The following GPC5 variants were observed in gnomAD, a reference collection of about 807,000 sequenced individuals.
The protein encoded by GPC5 is glypican 5.
In GPC5, 47 loss-of-function variants were observed where a neutral mutation model predicts 53.9. The ratio of observed to expected loss-of-function variants is 0.87; its 90% CI spans 0.69 to 1.11. GPC5 has a LOEUF of 1.11. Ranked by LOEUF, GPC5 falls within the 50% of genes most tolerant of loss-of-function variation. The pLI, the probability that GPC5 is intolerant of heterozygous loss-of-function variation, is 0.00. For missense variants in GPC5, 748 were observed against 713.1 expected, an observed-to-expected ratio of 1.05 and a Z score of -0.56; for synonymous variants, 286 against 263.3, an observed-to-expected ratio of 1.09 and a Z score of -0.84.
chr13:91,854,578 A>G (rs991580698), intron 5 of GPC5, among the ~76,000 whole-genome samples: 8 of 151,146 alleles, frequency 5.3e-5, no homozygotes, highest in South Asian at 2.1e-4. Flanking sequence ...TCTAGTAACT[A>G]TCCTTCTATT....
intron 2 of GPC5, among the ~76,000 whole-genome samples, chr13:91,469,497 G>T (rs1882472964): frequency 6.6e-6 from 1 of 151,236 alleles, no homozygotes; most frequent in Non-Finnish European, 1.5e-5. Context: ...GAACTCTTGA[G>T]CACCAGGGAT....
At chr13:91,477,689 G>C (rs1291676748) in intron 2 of GPC5, among the ~76,000 whole-genome samples, 1 of 152,194 alleles carries the variant, frequency 6.6e-6, no homozygotes, top group Non-Finnish European at 1.5e-5. Flanking sequence ...AGGCATACAA[G>C]GGGCCTGTAG....
intron 5 of GPC5, among the ~76,000 whole-genome samples, chr13:91,759,299 C>T (rs571449644): frequency 2.0e-5 from 3 of 151,918 alleles, no homozygotes; most frequent in Non-Finnish European, 4.4e-5. Context: ...TTGATACAGG[C>T]ATGCAATGTG....
At chr13:92,306,559 C>T (rs545057765) in intron 7 of GPC5, among the ~76,000 whole-genome samples, 2 of 152,298 alleles carry the variant, frequency 1.3e-5, no homozygotes, top group South Asian at 4.1e-4. Context: ...TAAAGCTAAT[C>T]CCACCCAGAC....
At chr13:92,209,845 C>G (rs2042362639) in intron 7 of GPC5, among the ~76,000 whole-genome samples, 1 of 152,046 alleles carries the variant, frequency 6.6e-6, no homozygotes, top group Non-Finnish European at 1.5e-5. Context: ...CACACGATTA[C>G]AAGGTGAGGT....
rs779391216 is a variant in GPC5, at chr13:92,867,178, G to A, written c.*739G>A. On this transcript the variant is annotated 3_prime_UTR_variant, in exon 8 of 8. Coordinates refer to ENST00000377067, the MANE Select transcript of GPC5 (RefSeq NM_004466.6). ...TGCCTCATAGATTTAGCTATGTTGG[G>A]AAGCACATGCTTGCTCTAGGAATAT... 1 of 152,022 alleles carries A rather than the reference G, an allele frequency of 6.6e-6. No individual in the cohort carries two copies. The highest frequency in any genetic ancestry group is 1.5e-5 in the Non-Finnish European group (1 of 67,990). 9.4% of individuals were successfully genotyped at this position (152,022 alleles called of 1,614,324 possible).
At chr13:92,096,036 A>T (rs939349639) in intron 6 of GPC5, among the ~76,000 whole-genome samples, 1 of 152,242 alleles carries the variant, frequency 6.6e-6, no homozygotes, top group East Asian at 1.9e-4. Context: ...CTAGCTATCC[A>T]GATTTTTCTT....
intron 7 of GPC5, among the ~76,000 whole-genome samples, chr13:92,508,966 A>G (rs1227839555): frequency 2.0e-5 from 3 of 152,214 alleles, no homozygotes; most frequent in Non-Finnish European, 4.4e-5. Flanking sequence ...TCTCTGTTGC[A>G]AGTACTGAGG....
chr13:92,303,829 T>G (rs2043091796), intron 7 of GPC5, among the ~76,000 whole-genome samples: 1 of 152,214 alleles, frequency 6.6e-6, no homozygotes, highest in Admixed American at 6.5e-5. Flanking sequence ...TGTGGCAGGA[T>G]TTGGGCTGGG....
chr13:92,170,508 C>T (rs1417797453), intron 7 of GPC5, among the ~76,000 whole-genome samples: 32 of 143,280 alleles, frequency 2.2e-4, no homozygotes, highest in Admixed American at 1.4e-3. Context: ...TCACTGGAAC[C>T]TCCACCTCCC....
At chr13:92,251,355 T>G (rs1433115275) in intron 7 of GPC5, among the ~76,000 whole-genome samples, 1 of 152,102 alleles carries the variant, frequency 6.6e-6, no homozygotes, top group African/African-American at 2.4e-5. Context: ...CAGTGTAAGG[T>G]GGCTCCACGT....
chr13:92,088,837 T>A (rs1192263976), intron 6 of GPC5, among the ~76,000 whole-genome samples: 2 of 152,144 alleles, frequency 1.3e-5, no homozygotes, highest in African/African-American at 2.4e-5. Flanking sequence ...CCTTTAAGAG[T>A]CAGCAAAGAA....
intron 5 of GPC5, among the ~76,000 whole-genome samples, chr13:91,763,916 C>T (rs1269758802): frequency 6.6e-6 from 1 of 152,202 alleles, no homozygotes; most frequent in Admixed American, 6.5e-5. Context: ...ATAACCGATG[C>T]ACATCCTCCT....
chr13:91,776,854 A>T (rs1214866333), intron 5 of GPC5, among the ~76,000 whole-genome samples: 3 of 152,196 alleles, frequency 2.0e-5, no homozygotes, highest in Non-Finnish European at 4.4e-5. Flanking sequence ...AGTCTAATTT[A>T]CTGTTCAAAT....
intron 5 of GPC5, among the ~76,000 whole-genome samples, chr13:91,835,350 C>G (rs980577351): frequency 6.6e-6 from 1 of 152,046 alleles, no homozygotes; most frequent in African/African-American, 2.4e-5. Context: ...GATCTAGAAC[C>G]AGAAATACCA....
chr13:92,228,954 A>C (rs970747677), intron 7 of GPC5, among the ~76,000 whole-genome samples: 1 of 152,158 alleles, frequency 6.6e-6, no homozygotes, highest in Non-Finnish European at 1.5e-5. Context: ...GGAAAAAATA[A>C]TGATTATATA....
At chr13:91,870,663 A>G (rs1452579008) in intron 5 of GPC5, among the ~76,000 whole-genome samples, 1 of 152,184 alleles carries the variant, frequency 6.6e-6, no homozygotes, top group African/African-American at 2.4e-5. Context: ...CTGGAGAACT[A>G]TGTAATAAAA....
At chr13:91,443,355 A>G (rs1880571352) in intron 1 of GPC5, among the ~76,000 whole-genome samples, 1 of 152,184 alleles carries the variant, frequency 6.6e-6, no homozygotes, top group South Asian at 2.1e-4. Flanking sequence ...ATGTGAGGGC[A>G]CAGAGAGAAG....
At chr13:92,825,829 T>C (rs117940390) in intron 7 of GPC5, among the ~76,000 whole-genome samples, 3,238 of 152,290 alleles carry the variant, frequency 0.021, 50 homozygotes, top group Middle Eastern at 0.1. Flanking sequence ...TGCTATAGAT[T>C]GCATTCTGTT....
Sources: allele counts gnomAD v4.1 joint callset (sites outside exome capture counted in the v4.1 genomes callset), GRCh38; gene constraint gnomAD v4.1.1; transcripts MANE v1.5; gene names NCBI Gene and HGNC (gene_info 2026-07-23, HGNC 2026-07-21).